Variants in CIMIP6 observed in about 807,000 individuals in gnomAD.
CIMIP6 encodes uncharacterized protein C2orf73.
At chr2:54,331,071 G>T in the CIMIP6 span, 1 of 1,506,288 alleles carries the variant, frequency 6.6e-7, no homozygotes, top group Non-Finnish European at 9.2e-7. Flanking sequence ...GGGAGGCCGG[G>T]ATCCAGCATG....
chr2:54,360,249 C>T, the CIMIP6 span: 1 of 1,608,790 alleles, frequency 6.2e-7, no homozygotes, highest in East Asian at 2.2e-5. Flanking sequence ...GGCAGTAGGC[C>T]AACAGTTCCT....
the CIMIP6 span, among the ~76,000 whole-genome samples, chr2:54,377,555 T>C: frequency 6.6e-6 from 1 of 152,186 alleles, no homozygotes; most frequent in African/African-American, 2.4e-5. Context: ...TGCAAGCCAA[T>C]ACAAGTCGGC....
chr2:54,373,077 A>C, the CIMIP6 span, among the ~76,000 whole-genome samples: 1 of 151,764 alleles, frequency 6.6e-6, no homozygotes, highest in African/African-American at 2.4e-5. Context: ...ACCTTCTCAC[A>C]CCCTGTCCCT....
At chr2:54,336,930 G>A in the CIMIP6 span, among the ~76,000 whole-genome samples, 1 of 152,182 alleles carries the variant, frequency 6.6e-6, no homozygotes, top group Non-Finnish European at 1.5e-5. Context: ...CACAGTGATG[G>A]GGACTTATTT....
chr2:54,346,486 C>T, the CIMIP6 span, among the ~76,000 whole-genome samples: 1 of 152,144 alleles, frequency 6.6e-6, no homozygotes, highest in Non-Finnish European at 1.5e-5. Context: ...AGCTAGTCAC[C>T]TTTTCAAACC....
At chr2:54,367,901 T>C in the CIMIP6 span, among the ~76,000 whole-genome samples, 156 of 152,324 alleles carry the variant, frequency 1.0e-3, 1 homozygote, top group African/African-American at 3.7e-3. Flanking sequence ...GTAAACTTTT[T>C]GAAGTCTGTA....
the CIMIP6 span, among the ~76,000 whole-genome samples, chr2:54,342,484 G>A: frequency 1.2e-3 from 182 of 151,954 alleles, 1 homozygote; most frequent in African/African-American, 4.3e-3. Context: ...TAAGTTTCTT[G>A]ACAATCTTCT....
At chr2:54,368,019 A>G in the CIMIP6 span, among the ~76,000 whole-genome samples, 10 of 152,310 alleles carry the variant, frequency 6.6e-5, no homozygotes, top group African/African-American at 1.9e-4. Context: ...AATGGTCCCC[A>G]GAGTTCTAGC....
At chr2:54,383,809 G>A in the CIMIP6 span, 2 of 152,132 alleles carry the variant, frequency 1.3e-5, no homozygotes, top group Non-Finnish European at 2.9e-5. Context: ...CCTTTCAGAG[G>A]TGAGTAGGAC....
At chr2:54,339,273 T>C in the CIMIP6 span, among the ~76,000 whole-genome samples, 1 of 75,808 alleles carries the variant, frequency 1.3e-5, no homozygotes, top group Admixed American at 1.3e-4. Context: ...CTTGCCTACA[T>C]GCTTAACAAA....
the CIMIP6 span, among the ~76,000 whole-genome samples, chr2:54,353,394 G>T: frequency 1.3e-5 from 2 of 152,064 alleles, no homozygotes; most frequent in South Asian, 4.2e-4. Context: ...TGCAGGCCAG[G>T]TTAAATAGTG....
At chr2:54,335,069 A>T in the CIMIP6 span, 1 of 1,459,384 alleles carries the variant, frequency 6.9e-7, no homozygotes, top group Non-Finnish European at 9.3e-7. Flanking sequence ...TTAGATTCAG[A>T]TGCTGTTTTG....
chr2:54,374,154 C>T, the CIMIP6 span, among the ~76,000 whole-genome samples: 2 of 152,228 alleles, frequency 1.3e-5, no homozygotes, highest in African/African-American at 2.4e-5. Context: ...TGCCATGTTC[C>T]TTTCTCTCTT....
chr2:54,355,891 G>A, the CIMIP6 span, among the ~76,000 whole-genome samples: 42 of 152,202 alleles, frequency 2.8e-4, no homozygotes, highest in Admixed American at 9.8e-4. Flanking sequence ...CACAGTATAT[G>A]TTTTAAAATT....
At chr2:54,365,712 T>A in the CIMIP6 span, among the ~76,000 whole-genome samples, 1 of 152,118 alleles carries the variant, frequency 6.6e-6, no homozygotes, top group Non-Finnish European at 1.5e-5. Context: ...CAATTAAACC[T>A]CATTTCTTTA....
the CIMIP6 span, among the ~76,000 whole-genome samples, chr2:54,349,908 G>C: frequency 9.3e-5 from 14 of 151,270 alleles, no homozygotes; most frequent in East Asian, 2.7e-3. Context: ...GAGGGCAAGT[G>C]GCGTGATCTC....
the CIMIP6 span, among the ~76,000 whole-genome samples, chr2:54,340,622 CA>C: frequency 6.6e-6 from 1 of 152,158 alleles, no homozygotes; most frequent in Non-Finnish European, 1.5e-5. Flanking sequence ...TAACACTCAT[CA>C]GAACACTTTC....
At chr2:54,351,783 AAT>A in the CIMIP6 span, among the ~76,000 whole-genome samples, 1 of 152,224 alleles carries the variant, frequency 6.6e-6, no homozygotes, top group Non-Finnish European at 1.5e-5. Context: ...TTTAAAAAAT[AAT>A]AGTTACTATA....
At chr2:54,378,040 G>C in the CIMIP6 span, among the ~76,000 whole-genome samples, 1 of 152,148 alleles carries the variant, frequency 6.6e-6, no homozygotes, top group African/African-American at 2.4e-5. Flanking sequence ...CCGTTAATTG[G>C]TGGGAGCTAT....
Sources: allele counts gnomAD v4.1 joint callset (sites outside exome capture counted in the v4.1 genomes callset), GRCh38; gene constraint gnomAD v4.1.1; transcripts MANE v1.5; gene names NCBI Gene and HGNC (gene_info 2026-07-23, HGNC 2026-07-21).